The following CWH43 variants were observed in gnomAD, a reference collection of about 807,000 sequenced individuals.
CWH43 encodes the protein cell wall biogenesis 43 C-terminal homolog.
In CWH43, 91 loss-of-function variants were observed where a neutral mutation model predicts 85.7. The observed-to-expected ratio is 1.06, with a 90% CI of 0.90 to 1.26. The LOEUF (loss-of-function observed/expected upper bound fraction) is 1.26. Among genes scored for constraint, CWH43 ranks in the 50% most tolerant of loss-of-function variants. CWH43 has a pLI of 0.00. For missense variants in CWH43, 869 were observed against 839.2 expected, an observed-to-expected ratio of 1.04 and a Z score of -0.44; for synonymous variants, 323 against 293.6, an observed-to-expected ratio of 1.10 and a Z score of -1.02.
At chr4:49,036,632 A>G (rs1784269424) in intron 12 of CWH43, among the ~76,000 whole-genome samples, 1 of 152,184 alleles carries the variant, frequency 6.6e-6, no homozygotes, top group African/African-American at 2.4e-5. Flanking sequence ...GTGTTTGACT[A>G]CTGCCTATCT....
intron 8 of CWH43, chr4:49,016,693 T>C: frequency 1.3e-6 from 1 of 769,010 alleles, no homozygotes; most frequent in Non-Finnish European, 2.4e-6. Context: ...CTTAGTCCAT[T>C]CACCTTATCT....
At chr4:49,055,154 G>A (rs1784912989) in intron 15 of CWH43, among the ~76,000 whole-genome samples, 2 of 151,974 alleles carry the variant, frequency 1.3e-5, no homozygotes, top group South Asian at 2.1e-4. Flanking sequence ...GTCATATATG[G>A]CCTTTGTTAT....
intron 9 of CWH43, among the ~76,000 whole-genome samples, chr4:49,022,280 T>G (rs1191312628): frequency 6.6e-6 from 1 of 152,212 alleles, no homozygotes; most frequent in Non-Finnish European, 1.5e-5. Flanking sequence ...TATTGTCAAC[T>G]GCTTTTTCTG....
At chr4:49,051,667 C>T (rs1784802551) in intron 15 of CWH43, among the ~76,000 whole-genome samples, 1 of 152,230 alleles carries the variant, frequency 6.6e-6, no homozygotes, top group East Asian at 1.9e-4. Flanking sequence ...ACCTCTGCCT[C>T]CTGGGTTAAA....
At chr4:49,043,506 A>G (rs1268097558) in intron 13 of CWH43, among the ~76,000 whole-genome samples, 1 of 152,214 alleles carries the variant, frequency 6.6e-6, no homozygotes, top group Non-Finnish European at 1.5e-5. Context: ...AGCTGTGTCA[A>G]AATTGGTAGT....
chr4:48,998,565 T>G lies in CWH43; in HGVS notation c.802+17T>G, dbSNP rs1782891485. ...GGGTTACAGGTATGTGGAATTTACCTGCAGATAGAACACGACTGAGCTTGG... is the reference window on the plus strand; with the variant it reads ...GGGTTACAGGTATGTGGAATTTACCGGCAGATAGAACACGACTGAGCTTGG... On this transcript the variant is annotated intron_variant, in intron 6 of 15. Coordinates refer to ENST00000226432, the MANE Select transcript of CWH43 (RefSeq NM_025087.3). 6.4e-7 allele frequency: 1 copy of G among 1,571,394 alleles called. No individual in the cohort carries two copies. Among genetic ancestry groups the G allele is most frequent in the Non-Finnish European group, 8.8e-7 (1 of 1,141,274 alleles).
intron 15 of CWH43, among the ~76,000 whole-genome samples, chr4:49,058,680 C>T (rs1333973254): frequency 6.6e-6 from 1 of 152,174 alleles, no homozygotes; most frequent in African/African-American, 2.4e-5. Flanking sequence ...CAGCTTTTGT[C>T]TCTTTGGGAA....
In CWH43 at chr4:49,030,848, G is replaced by A. The variant is rs751413481; in HGVS notation, c.1396G>A (p.Glu466Lys). 33 of 1,582,696 alleles carry A rather than the reference G, an allele frequency of 2.1e-5. 1 individual carries two copies. In the South Asian group the frequency reaches 3.6e-4, roughly 17 times the overall value. ...ETGADFITILESDASKPYMGN... is the reference protein window; with the variant it reads ...ETGADFITILKSDASKPYMGN... ...AGGTGCAGATTTCATAACAATTTTG[G>A]AGAGTGATGCTTCTAAGCCCTATAT... The change falls in exon 11 of 16, where the codon GAG (glutamate) becomes AAG (lysine). Residue 466 changes from glutamate (E) to lysine (K), a missense_variant. Transcript: ENST00000226432.
chr4:49,031,558 C>T (rs1345350930), intron 11 of CWH43, among the ~76,000 whole-genome samples: 4 of 152,060 alleles, frequency 2.6e-5, no homozygotes, highest in Non-Finnish European at 5.9e-5. Flanking sequence ...AGGATGGGAA[C>T]CTGATCATAG....
chr4:48,999,278 G>C lies in CWH43; in HGVS notation c.802+730G>C, dbSNP rs1782916466. Among the ~76,000 whole-genome samples the C allele has an allele frequency of 2.0e-5, 3 of 152,188 alleles. No individual in the cohort carries two copies. In the South Asian group the frequency reaches 6.2e-4, roughly 31 times the overall value. Reference sequence around the variant, plus strand: ...TCTCATTCTTTTTTATGGCTGCATAGTATTCCATGGTGTATATTACCACAT... The same window carrying C: ...TCTCATTCTTTTTTATGGCTGCATACTATTCCATGGTGTATATTACCACAT... On this transcript the variant is annotated intron_variant, in intron 6 of 15. Transcript: ENST00000226432.
chr4:49,044,834 C>T lies in CWH43; in HGVS notation c.1852C>T (p.Arg618Ter), dbSNP rs767529441. Reference sequence around the variant, plus strand: ...CAGATGGTGTGAATACATTATGTATCGAGGGCTGATCAGGTGAGCACAGGG... The same window carrying T: ...CAGATGGTGTGAATACATTATGTATTGAGGGCTGATCAGGTGAGCACAGGG... ...HDRWCEYIMY[R>*]GLIRLGYARI... Residue 618 changes from arginine (R) to a stop codon, truncating the protein, a stop_gained, in exon 14 of 16, where the codon CGA becomes TGA. Coordinates refer to ENST00000226432, the MANE Select transcript of CWH43 (RefSeq NM_025087.3). LOFTEE classifies it high-confidence loss of function. The T allele has an allele frequency of 6.2e-6, 10 of 1,612,608 alleles. No homozygotes were observed. The highest frequency in any genetic ancestry group is 4.5e-5 in the East Asian group (2 of 44,840).
intron 5 of CWH43, among the ~76,000 whole-genome samples, chr4:48,996,225 A>AGG (rs889354192): frequency 7.2e-5 from 11 of 152,258 alleles, no homozygotes; most frequent in Admixed American, 2.6e-4. Flanking sequence ...TTATTATCAC[A>AGG]GGGGATCCTC....
intron 2 of CWH43, 86 bp downstream of exon 2, chr4:48,988,754 T>C (rs1334757227): frequency 5.1e-6 from 4 of 786,678 alleles, no homozygotes; most frequent in Non-Finnish European, 7.4e-6. Flanking sequence ...GAATACTAAA[T>C]ATTTGAATTT....
At chr4:49,052,684 G>A in intron 15 of CWH43, among the ~76,000 whole-genome samples, 1 of 152,170 alleles carries the variant, frequency 6.6e-6, no homozygotes, top group Admixed American at 6.5e-5. Flanking sequence ...TGTGAAGGGA[G>A]CTAGATTTGC....
intron 8 of CWH43, among the ~76,000 whole-genome samples, chr4:49,013,089 G>A (rs1783418563): frequency 6.6e-6 from 1 of 152,252 alleles, no homozygotes; most frequent in Non-Finnish European, 1.5e-5. Flanking sequence ...GCTATGCCTG[G>A]CCCACAGAGA....
intron 15 of CWH43, among the ~76,000 whole-genome samples, chr4:49,054,862 T>G (rs1784903246): frequency 6.6e-6 from 1 of 152,134 alleles, no homozygotes; most frequent in Non-Finnish European, 1.5e-5. Context: ...TCCTGCAAAT[T>G]TACTGAATTT....
chr4:49,061,290 T>A (rs1785149824), intron 15 of CWH43, among the ~76,000 whole-genome samples: 1 of 152,146 alleles, frequency 6.6e-6, no homozygotes, highest in Non-Finnish European at 1.5e-5. Flanking sequence ...GATATTATGG[T>A]TGCTTATGAA....
chr4:49,051,297 A>G (rs1560516020), intron 15 of CWH43, among the ~76,000 whole-genome samples: 1 of 152,158 alleles, frequency 6.6e-6, no homozygotes, highest in Admixed American at 6.5e-5. Flanking sequence ...TCACATGGCT[A>G]GTGAGTGATG....
At chr4:49,001,844 T>C (rs1306309839) in intron 6 of CWH43, among the ~76,000 whole-genome samples, 1 of 152,172 alleles carries the variant, frequency 6.6e-6, no homozygotes, top group Non-Finnish European at 1.5e-5. Context: ...TTCGGGATCA[T>C]TCTTTTAAAA....
Sources: allele counts gnomAD v4.1 joint callset (sites outside exome capture counted in the v4.1 genomes callset), GRCh38; gene constraint gnomAD v4.1.1; transcripts MANE v1.5; gene names NCBI Gene and HGNC (gene_info 2026-07-23, HGNC 2026-07-21).